The following COG2 variants were observed in gnomAD, a reference collection of about 807,000 sequenced individuals.
The protein encoded by COG2 is conserved oligomeric Golgi complex subunit 2.
Under a neutral mutation model 90.6 loss-of-function variants are expected in COG2, and 52 were observed. The observed-to-expected ratio is 0.57, with a 90% CI of 0.46 to 0.72. The LOEUF is 0.72. Ranked by LOEUF, COG2 falls within the 30% of genes least tolerant of loss-of-function variation. The pLI, the probability that COG2 is intolerant of heterozygous loss-of-function variation, is 0.00. For missense variants in COG2, 829 were observed against 891.2 expected, an observed-to-expected ratio of 0.93 and a Z score of 0.89; for synonymous variants, 337 against 320.4, an observed-to-expected ratio of 1.05 and a Z score of -0.55.
At chr1:230,668,557 ACT>A in intron 5 of COG2, 117 bp from the exon 6 acceptor site, 2 of 626,816 alleles carry the variant, frequency 3.2e-6, no homozygotes, top group East Asian at 2.8e-5. Context: ...CACATAAAAC[ACT>A]CTGACAAAAG....
At chr1:230,674,445 C>T (rs759965887) in intron 8 of COG2, among the ~76,000 whole-genome samples, 1 of 152,142 alleles carries the variant, frequency 6.6e-6, no homozygotes, top group South Asian at 2.1e-4. Context: ...GGCACACACA[C>T]AAAATAAAAC....
At chr1:230,684,546 A>C (rs3789654) in intron 11 of COG2, 46,992 of 153,438 alleles carry the variant, frequency 0.31, 7,367 homozygotes, top group African/African-American at 0.34. Context: ...GCTGATATCT[A>C]GGTTCCTCAA....
At chr1:230,682,483 A>C (rs1315647306) in intron 10 of COG2, 3 of 152,244 alleles carry the variant, frequency 2.0e-5, no homozygotes, top group African/African-American at 7.2e-5. Context: ...TTCACTGGGC[A>C]ATTAGAGTTC....
At chr1:230,656,977 A>G (rs998571839) in intron 1 of COG2, among the ~76,000 whole-genome samples, 1 of 152,066 alleles carries the variant, frequency 6.6e-6, no homozygotes, top group African/African-American at 2.4e-5. Flanking sequence ...TGCACGTGAG[A>G]TGGGTCTCCT....
At chr1:230,648,999 T>A (rs1365450768) in intron 1 of COG2, among the ~76,000 whole-genome samples, 1 of 152,150 alleles carries the variant, frequency 6.6e-6, no homozygotes, top group Non-Finnish European at 1.5e-5. Flanking sequence ...GCACAAATAT[T>A]TGTTAAATGG....
intron 1 of COG2, among the ~76,000 whole-genome samples, chr1:230,651,062 A>C (rs1038865433): frequency 6.6e-6 from 1 of 152,134 alleles, no homozygotes; most frequent in South Asian, 2.1e-4. Flanking sequence ...TTTAGTCCAC[A>C]GTTTAGCACA....
chr1:230,666,698 G>A (rs1662330084), intron 5 of COG2, among the ~76,000 whole-genome samples: 1 of 152,042 alleles, frequency 6.6e-6, no homozygotes, highest in African/African-American at 2.4e-5. Context: ...GCCATTTGTT[G>A]TACTAAAAGC....
At chr1:230,658,525 G>T (rs373999491) in intron 1 of COG2, among the ~76,000 whole-genome samples, 1 of 152,130 alleles carries the variant, frequency 6.6e-6, no homozygotes, top group Non-Finnish European at 1.5e-5. Flanking sequence ...AGGATACACG[G>T]GGGTCAGGGA....
At chr1:230,683,725 C>A in intron 11 of COG2, 90 bp downstream of exon 11, 4 of 686,316 alleles carry the variant, frequency 5.8e-6, no homozygotes, top group Non-Finnish European at 9.1e-6. Flanking sequence ...TCTGAGCGTA[C>A]TTTTACTGTT....
chr1:230,679,088 T>G, intron 10 of COG2, 36 bp downstream of exon 10: 1 of 1,560,918 alleles, frequency 6.4e-7, no homozygotes. Flanking sequence ...CCCCGCACCC[T>G]TCTAAAACAG....
chr1:230,685,179 T>C lies in COG2; in HGVS notation c.1323T>C (p.His441=). 1 of 1,614,194 alleles carries C rather than the reference T, an allele frequency of 6.2e-7. No homozygotes were observed. The highest frequency in any genetic ancestry group is 1.3e-5 in the African/African-American group (1 of 75,048). Residue 441 remains histidine (H), a synonymous_variant, in exon 12 of 18, where the codon CAT becomes CAC. Transcript: ENST00000366669. ...AGATGTTCTTGCCATTACTGGTGCA[T>C]CGCCTGTGGAGACTCACTCTGCAGA... is the stretch of plus-strand genomic sequence containing the variant. ...SDEMFLPLLV[H]RLWRLTLQIL... is the part of the protein sequence containing the mutation.
intron 3 of COG2, among the ~76,000 whole-genome samples, chr1:230,661,126 CAT>C (rs145957520): frequency 0.029 from 4,438 of 152,218 alleles, 93 homozygotes; most frequent in Non-Finnish European, 0.041. Context: ...TCAGCTCACT[CAT>C]ATGTAGGTAG....
At chr1:230,676,701 C>T (rs1226756248) in intron 9 of COG2, among the ~76,000 whole-genome samples, 2 of 151,954 alleles carry the variant, frequency 1.3e-5, no homozygotes, top group Non-Finnish European at 2.9e-5. Context: ...ACTTTTTAGT[C>T]TTCTAACTGT....
chr1:230,656,100 A>G (rs945705158), intron 1 of COG2, among the ~76,000 whole-genome samples: 1 of 150,448 alleles, frequency 6.6e-6, no homozygotes, highest in Admixed American at 6.6e-5. Context: ...TCGTGTCTCT[A>G]TCTCCTTCAG....
At position 230,660,666 on chromosome 1, in the gene COG2, C is replaced by G. The variant is rs1485138451; in HGVS notation, c.235-92C>G. ...TCATTTTGTTGTACAGAAAGAATAA[C>G]CTAAGTCTAGCACTACATTGATCAT... On this transcript the variant is annotated intron_variant, in intron 2 of 17. Transcript: ENST00000366669. The G allele has an allele frequency of 5.7e-6, 4 of 705,742 alleles. No homozygotes were observed. The Admixed American group carries it at 1.2e-4, about 21-fold the overall frequency. 43.7% of individuals were successfully genotyped at this position (705,742 alleles called of 1,614,324 possible).
chr1:230,690,003 C>A lies in COG2; in HGVS notation c.1795-11C>A. The A allele has an allele frequency of 6.4e-7, 1 of 1,572,856 alleles. No individual in the cohort carries two copies. The highest frequency in any genetic ancestry group is 8.6e-7 in the Non-Finnish European group (1 of 1,162,386). ...CCTGTGCATCTTTATCTCCTACCAT[C>A]ATCATTCCAGGAGGTCCCAACCACA... On this transcript the variant is annotated splice_polypyrimidine_tract_variant and intron_variant, in intron 15 of 17. Coordinates refer to ENST00000366669, the MANE Select transcript of COG2 (RefSeq NM_007357.3).
chr1:230,683,685 C>G (rs1662810855), intron 11 of COG2, 50 bp downstream of exon 11: 1 of 1,224,598 alleles, frequency 8.2e-7, no homozygotes, highest in African/African-American at 1.5e-5. Flanking sequence ...TGAGTTCATT[C>G]AGTTCACCAA....
At chr1:230,679,311 C>CCA in intron 10 of COG2, 1 of 314,158 alleles carries the variant, frequency 3.2e-6, no homozygotes, top group Non-Finnish European at 5.8e-6. Flanking sequence ...TGACTCCAAG[C>CCA]CCAGCCTCAT....
intron 2 of COG2, among the ~76,000 whole-genome samples, chr1:230,660,045 G>A (rs904738253): frequency 6.6e-6 from 1 of 152,182 alleles, no homozygotes; most frequent in Admixed American, 6.5e-5. Flanking sequence ...TTGATCTTTA[G>A]GAGGCTTGGT....
Sources: gnomAD v4.1 joint callset for allele counts (sites outside exome capture counted in the v4.1 genomes callset) on GRCh38, gnomAD v4.1.1 for gene constraint, MANE v1.5 for transcripts, NCBI Gene and HGNC (gene_info 2026-07-23, HGNC 2026-07-21) for gene names.